ACACB: variants seen among roughly 807,000 people sequenced by gnomAD.
ACACB encodes acetyl-CoA carboxylase 2.
A neutral mutation model predicts 278.8 loss-of-function variants in ACACB; 209 were observed. The observed-to-expected ratio is 0.75, with a 90% confidence interval of 0.67 to 0.84. The LOEUF is 0.84. ACACB is among the 40% of genes least tolerant of loss of function. The pLI, the probability that ACACB is intolerant of heterozygous loss-of-function variation, is 0.00. For missense variants in ACACB, 2,850 were observed against 3,269.0 expected (o/e 0.87, Z 3.13); for synonymous variants, 1,174 against 1,285.6 (o/e 0.91, Z 1.86).
At position 109,222,516 on chromosome 12, in the gene ACACB, T is replaced by C. The variant is rs375330223; in HGVS notation, c.3574T>C (p.Cys1192Arg). 11 of 1,614,190 alleles carry C rather than the reference T, an allele frequency of 6.8e-6. No homozygotes were observed. Among genetic ancestry groups the C allele is most frequent in the Non-Finnish European group, 8.5e-7 (1 of 1,180,018 alleles). ...QLVIMLIDEL[C>R]GPDPSLSDEL... ...TTTTCTGTCCCCTAAGGATGAGCTG[T>C]GTGGCCCAGACCCTTCCCTGTCGGA... The change falls in exon 25 of 53, where the codon TGT (cysteine) becomes CGT (arginine). Residue 1192 changes from cysteine (C) to arginine (R), a missense_variant. Physicochemically the swap from Cys to Arg is radical, Grantham distance 180. This residue lies in a region of ACACB where 2,265 missense variants were observed against 2,561.3 expected (regional missense o/e 0.88). Transcript: ENST00000338432.
At chr12:109,260,022 T>G (rs1282221723) in intron 47 of ACACB, 1 of 1,307,168 alleles carries the variant, frequency 7.7e-7, no homozygotes, top group Non-Finnish European at 1.0e-6. Flanking sequence ...ACATGCAGTG[T>G]GATTGTCAGT....
chr12:109,148,118 G>C (rs2043287914), intron 2 of ACACB, among the ~76,000 whole-genome samples: 1 of 152,112 alleles, frequency 6.6e-6, no homozygotes, highest in African/African-American at 2.4e-5. Flanking sequence ...CTCCCCTTTG[G>C]GTTGATCTCA....
At position 109,260,616 on chromosome 12, in the gene ACACB, C is replaced by T; in HGVS notation, c.6633C>T (p.Ile2211=). Residue 2211 remains isoleucine (I), a synonymous_variant, in exon 48 of 53, where the codon ATC becomes ATT. Transcript: ENST00000338432. ...GGSWVVIDAT[I]NPLCIEMYAD... is the part of the protein sequence containing the mutation. ...CCTGGGTGGTCATAGATGCCACCATCAACCCGCTGTGCATAGAAATGTATG... is the reference window on the plus strand; with the variant it reads ...CCTGGGTGGTCATAGATGCCACCATTAACCCGCTGTGCATAGAAATGTATG... 2 of 1,607,808 alleles carry T rather than the reference C, an allele frequency of 1.2e-6. No individual in the cohort carries two copies. The highest frequency in any genetic ancestry group is 1.7e-6 in the Non-Finnish European group (2 of 1,177,322).
chr12:109,212,295 A>G (rs193110338), intron 21 of ACACB, among the ~76,000 whole-genome samples: 7 of 152,202 alleles, frequency 4.6e-5, no homozygotes, highest in African/African-American at 1.7e-4. Context: ...TGTGGAAGAT[A>G]GTTTTTCCAC....
chr12:109,155,348 C>T (rs2043502970), intron 2 of ACACB, among the ~76,000 whole-genome samples: 1 of 152,182 alleles, frequency 6.6e-6, no homozygotes, highest in Admixed American at 6.5e-5. Context: ...CATTGAGGGT[C>T]ATTTTCTGAG....
At chr12:109,166,648 T>TGAAAAA (rs2043905774) in intron 2 of ACACB, among the ~76,000 whole-genome samples, 1 of 14,050 alleles carries the variant, frequency 7.1e-5, no homozygotes, top group African/African-American at 1.6e-4. Flanking sequence ...AGATCCCGTC[T>TGAAAAA]CAAAAAAAAA....
In ACACB at chr12:109,210,353, C is replaced by CATGTATATACACGCACACACA. The variant is rs1565928150; in HGVS notation, c.3249+1000_3249+1001insATGTATATACACGCACACACA. Among the ~76,000 whole-genome samples, 24 of 71,660 alleles carry CATGTATATACACGCACACACA rather than the reference C, an allele frequency of 3.3e-4. 4 individuals carry two copies. The highest frequency in any genetic ancestry group is 1.1e-3 in the African/African-American group (23 of 20,000). 47.0% of individuals were successfully genotyped at this position (71,660 alleles called of 152,430 possible). On this transcript the variant is annotated intron_variant, in intron 21 of 52. Coordinates refer to ENST00000338432, the MANE Select transcript of ACACB (RefSeq NM_001093.4). The stretch of plus-strand genomic sequence containing the variant: ...TATGTATATACACGCACACACATAT[C>CATGTATATACACGCACACACA]TGTGTATATATGTATATACACGCAC...
At chr12:109,182,531 CTAACTTT>C (rs2044514078) in intron 11 of ACACB, among the ~76,000 whole-genome samples, 1 of 152,120 alleles carries the variant, frequency 6.6e-6, no homozygotes, top group African/African-American at 2.4e-5. Flanking sequence ...CCATGCCCAG[CTAACTTT>C]TTAAAATTTT....
intron 1 of ACACB, among the ~76,000 whole-genome samples, chr12:109,130,726 C>G (rs1486003337): frequency 1.3e-5 from 2 of 152,232 alleles, no homozygotes; most frequent in Non-Finnish European, 2.9e-5. Context: ...CACACTTGGC[C>G]TGTCCCCATC....
intron 50 of ACACB, among the ~76,000 whole-genome samples, chr12:109,264,603 C>G (rs1053303105): frequency 6.6e-6 from 1 of 152,086 alleles, no homozygotes; most frequent in Non-Finnish European, 1.5e-5. Flanking sequence ...GCCAGGCGGT[C>G]GTATTTTTTA....
intron 4 of ACACB, among the ~76,000 whole-genome samples, chr12:109,171,033 T>TTTG (rs2044097070): frequency 6.7e-6 from 1 of 149,768 alleles, no homozygotes; most frequent in African/African-American, 2.5e-5. Flanking sequence ...TTTTTTTTTT[T>TTTG]TGTGGAGACA....
intron 4 of ACACB, among the ~76,000 whole-genome samples, chr12:109,169,034 C>A (rs1365832744): frequency 1.3e-5 from 2 of 150,768 alleles, no homozygotes; most frequent in Non-Finnish European, 2.9e-5. Flanking sequence ...AGTCCCAGCT[C>A]TTCAGGAGGC....
intron 1 of ACACB, 111 bp from the exon 2 acceptor site, chr12:109,139,286 G>A (rs1187877659): frequency 1.6e-5 from 16 of 998,462 alleles, no homozygotes; most frequent in Non-Finnish European, 2.3e-5. Context: ...CCCTCGTCCA[G>A]TATTTCAGGA....
chr12:109,245,587 A>G (rs769995827), intron 37 of ACACB, 39 bp from the exon 38 acceptor site: 2 of 1,603,942 alleles, frequency 1.2e-6, no homozygotes, highest in African/African-American at 2.7e-5. Context: ...TTCCCTACTG[A>G]TGACTTCAAG....
intron 2 of ACACB, among the ~76,000 whole-genome samples, chr12:109,150,660 C>T (rs951963992): frequency 1.3e-5 from 2 of 152,184 alleles, no homozygotes; most frequent in Non-Finnish European, 2.9e-5. Flanking sequence ...GGAGCTGACA[C>T]CAGGGACCTG....
intron 2 of ACACB, among the ~76,000 whole-genome samples, chr12:109,163,833 AG>A (rs1172723463): frequency 1.3e-5 from 2 of 152,178 alleles, no homozygotes; most frequent in African/African-American, 4.8e-5. Context: ...TATTTTTAGT[AG>A]AGACGGGGTT....
chr12:109,245,993 G>A (rs552078739), intron 38 of ACACB, among the ~76,000 whole-genome samples, 186 bp from the exon 39 acceptor site: 4 of 152,088 alleles, frequency 2.6e-5, no homozygotes, highest in Non-Finnish European at 4.4e-5. Flanking sequence ...AGAGACTGAG[G>A]CAGGAGTGAT....
upstream of ACACB, among the ~76,000 whole-genome samples, chr12:109,112,688 C>CAAA (rs57131257): frequency 9.7e-6 from 1 of 103,332 alleles, no homozygotes. Flanking sequence ...AACTCCGTCT[C>CAAA]AAAAAAAAAA....
rs1330638029 is a variant in ACACB, at chr12:109,259,559, A to C, written c.6496+451A>C. On this transcript the variant is annotated intron_variant, in intron 47 of 52. Coordinates refer to ENST00000338432, the MANE Select transcript of ACACB (RefSeq NM_001093.4). ...GCCTGGGCAACGGAGTGAGACCCCC[A>C]TCTCAAAAAAAAAAACAAAAAAACA... is the stretch of plus-strand genomic sequence containing the variant. 2.1e-5 allele frequency among the ~76,000 whole-genome samples: 3 copies of C among 145,184 alleles called. No individual in the cohort carries two copies. The Admixed American group carries it at 2.1e-4, about 10-fold the overall frequency.
Sources: allele counts gnomAD v4.1 joint callset (sites outside exome capture counted in the v4.1 genomes callset), GRCh38; gene constraint gnomAD v4.1.1; regional missense constraint gnomAD v4.1.1; transcripts MANE v1.5; gene names NCBI Gene and HGNC (gene_info 2026-07-23, HGNC 2026-07-21).